Variants in MAP3K13 observed in about 807,000 individuals in gnomAD.
MAP3K13 encodes leucine zipper-bearing kinase.
In MAP3K13, 52 loss-of-function variants were observed where a neutral mutation model predicts 104.0. The ratio of observed to expected loss-of-function variants is 0.50; its 90% CI spans 0.40 to 0.63. The LOEUF (loss-of-function observed/expected upper bound fraction) is 0.63, where lower values mean the gene tolerates loss of function less well. MAP3K13 is among the 20% of genes least tolerant of loss of function. The pLI is 0.00. For synonymous variants in MAP3K13, 394 were observed against 442.2 expected (o/e 0.89, Z 1.37); for missense variants, 914 against 1,218.5 (o/e 0.75, Z 3.72).
At chr3:185,385,951 C>T (rs560529205) in intron 1 of MAP3K13, among the ~76,000 whole-genome samples, 20 of 151,994 alleles carry the variant, frequency 1.3e-4, no homozygotes, top group Non-Finnish European at 2.6e-4. Flanking sequence ...TGCAGTGAGC[C>T]AGTATCACAC....
intron 11 of MAP3K13, among the ~76,000 whole-genome samples, chr3:185,474,085 G>T (rs1717970141): frequency 6.6e-6 from 1 of 152,156 alleles, no homozygotes; most frequent in African/African-American, 2.4e-5. Context: ...CAATTTGGGA[G>T]GCCAAGGCAG....
chr3:185,346,488 T>C (rs1030715251), intron 2 of MAP3K13, among the ~76,000 whole-genome samples: 1 of 152,220 alleles, frequency 6.6e-6, no homozygotes, highest in Non-Finnish European at 1.5e-5. Flanking sequence ...TACATTTTAG[T>C]ATACAACCTG....
At chr3:185,458,930 C>T (rs1284804337) in intron 7 of MAP3K13, among the ~76,000 whole-genome samples, 1 of 152,188 alleles carries the variant, frequency 6.6e-6, no homozygotes, top group Non-Finnish European at 1.5e-5. Context: ...TAGACAATCA[C>T]CCATTTCTCC....
intron 1 of MAP3K13, 122 bp downstream of exon 1, chr3:185,363,490 C>G: frequency 7.3e-6 from 3 of 410,458 alleles, no homozygotes; most frequent in Non-Finnish European, 9.9e-6. Context: ...GTGAGAGAGA[C>G]AGAGAGACAG....
intron 2 of MAP3K13, among the ~76,000 whole-genome samples, chr3:185,286,209 AG>A (rs1359923306): frequency 3.3e-5 from 5 of 151,896 alleles, no homozygotes; most frequent in African/African-American, 1.2e-4. Flanking sequence ...TTCTGTCTCA[AG>A]GGGGCAAAAT....
chr3:185,337,899 C>T (rs1722571044), intron 2 of MAP3K13, among the ~76,000 whole-genome samples: 1 of 151,990 alleles, frequency 6.6e-6, no homozygotes, highest in African/African-American at 2.4e-5. Context: ...CCTAAAATAA[C>T]TAGGTTAACA....
At chr3:185,480,091 T>C (rs953371575) in intron 12 of MAP3K13, 141 bp from the exon 13 acceptor site, 2 of 776,736 alleles carry the variant, frequency 2.6e-6, no homozygotes, top group Admixed American at 2.3e-5. Context: ...AGTTAAATAG[T>C]TTCTACCTAT....
At chr3:185,405,691 G>A (rs928393740) in intron 1 of MAP3K13, among the ~76,000 whole-genome samples, 1 of 152,106 alleles carries the variant, frequency 6.6e-6, no homozygotes, top group Non-Finnish European at 1.5e-5. Flanking sequence ...CTCTTTTTCT[G>A]TGAAGTTTTC....
rs142990321 is a variant in MAP3K13 at position 185,391,115 on chromosome 3, C to T, written c.-86+27747C>T. On this transcript the variant is annotated intron_variant, in intron 1 of 13. Transcript: ENST00000265026. ...TAGCCATTTGAAGTGTCCAGTTCAA[C>T]GGCATTAAGTACATTGATGTTGTTG... Among the ~76,000 whole-genome samples the T allele has an allele frequency of 1.9e-3, 287 of 152,254 alleles. 2 individuals carry two copies. Among genetic ancestry groups the T allele is most frequent in the African/African-American group, 6.1e-3 (255 of 41,558 alleles).
chr3:185,303,941 T>C (rs1476531015), intron 2 of MAP3K13, among the ~76,000 whole-genome samples: 2 of 152,312 alleles, frequency 1.3e-5, no homozygotes, highest in East Asian at 3.9e-4. Context: ...TCTTCTTTTT[T>C]ATTGTGTGTT....
At chr3:185,335,840 G>A (rs945458334) in intron 2 of MAP3K13, among the ~76,000 whole-genome samples, 2 of 152,118 alleles carry the variant, frequency 1.3e-5, no homozygotes, top group Non-Finnish European at 1.5e-5. Context: ...AGGAGGATAA[G>A]GAGGGCCAAC....
intron 10 of MAP3K13, among the ~76,000 whole-genome samples, chr3:185,471,652 G>T (rs1717799454): frequency 6.6e-6 from 1 of 151,700 alleles, no homozygotes; most frequent in African/African-American, 2.4e-5. Context: ...TAGAAATGGG[G>T]TTTCACCATG....
rs1048995070 is a variant in MAP3K13 at position 185,418,961 on chromosome 3, T to C, written c.-85-9536T>C. 2.6e-5 allele frequency among the ~76,000 whole-genome samples: 4 copies of C among 152,330 alleles called. No individual in the cohort carries two copies. In the South Asian group the frequency reaches 6.2e-4, roughly 24 times the overall value. ...AAAACAAAATAGGAGTCATTAACTT[T>C]TGTTTGCTCATTGTCGTCTTTTTAA... On this transcript the variant is annotated intron_variant, in intron 1 of 13. Coordinates refer to ENST00000265026, the MANE Select transcript of MAP3K13 (RefSeq NM_004721.5). This position sits in a 1 kb window ranked among gnomAD's most constrained non-coding sequence, Gnocchi z 4.5.
At chr3:185,453,982 G>GATATATATGATACATATATATGAT (rs2148899968) in intron 7 of MAP3K13, among the ~76,000 whole-genome samples, 1 of 33,730 alleles carries the variant, frequency 3.0e-5, no homozygotes, top group African/African-American at 8.0e-5. Flanking sequence ...ATATATATGA[G>GATATATATGATACATATATATGAT]ATATATATAT....
chr3:185,347,854 C>G (rs1291858133), intron 2 of MAP3K13, among the ~76,000 whole-genome samples: 2 of 151,574 alleles, frequency 1.3e-5, no homozygotes, highest in African/African-American at 2.4e-5. Flanking sequence ...ACTAAAAATA[C>G]AAAATTAGCC....
chr3:185,442,824 C>T (rs1267716447), intron 3 of MAP3K13, among the ~76,000 whole-genome samples: 3 of 151,776 alleles, frequency 2.0e-5, no homozygotes, highest in Non-Finnish European at 2.9e-5. Context: ...TGAGCCACCG[C>T]GGCCTGGCCA....
chr3:185,399,521 T>C (rs1333540428), intron 1 of MAP3K13, among the ~76,000 whole-genome samples: 1 of 150,486 alleles, frequency 6.6e-6, no homozygotes, highest in African/African-American at 2.5e-5. Context: ...GGTAGGAGAA[T>C]CTCTTGAACC....
chr3:185,314,821 G>A (rs1043372282), intron 2 of MAP3K13, among the ~76,000 whole-genome samples: 1 of 152,000 alleles, frequency 6.6e-6, no homozygotes, highest in Admixed American at 6.6e-5. Flanking sequence ...AACATTTTTT[G>A]TAGAGATGGG....
At chr3:185,354,834 A>T (rs898558462) in intron 2 of MAP3K13, among the ~76,000 whole-genome samples, 1 of 152,172 alleles carries the variant, frequency 6.6e-6, no homozygotes, top group Non-Finnish European at 1.5e-5. Flanking sequence ...TAATCTTTGC[A>T]TTGCTACTTC....
Sources: gnomAD v4.1 joint callset for allele counts (sites outside exome capture counted in the v4.1 genomes callset) on GRCh38, gnomAD v4.1.1 for gene constraint, Gnocchi (gnomAD v3.1) non-coding constraint, MANE v1.5 for transcripts, NCBI Gene and HGNC (gene_info 2026-07-23, HGNC 2026-07-21) for gene names.